TCF20: variants seen among roughly 807,000 people sequenced by gnomAD.
The protein encoded by TCF20 is SPRE-binding protein.
TCF20 carries 3 observed loss-of-function variants against 148.6 expected under a neutral mutation model. The observed-to-expected ratio is 0.02, with a 90% CI of 0.01 to 0.05. The LOEUF (loss-of-function observed/expected upper bound fraction) is 0.05, where lower values mean the gene tolerates loss of function less well. TCF20 is among the 10% of genes least tolerant of loss of function. TCF20 has a pLI of 1.00. For missense variants in TCF20, 2,350 were observed against 2,429.3 expected (o/e 0.97, Z 0.69); for synonymous variants, 1,049 against 909.5 (o/e 1.15, Z -2.76).
chr22:42,164,926 C>T (rs997508032), intron 5 of TCF20, among the ~76,000 whole-genome samples: 1 of 152,200 alleles, frequency 6.6e-6, no homozygotes, highest in African/African-American at 2.4e-5. Context: ...CCTGGAGAGT[C>T]ACCTGAGACT....
In TCF20 at chr22:42,246,356, C is replaced by T. The variant is rs146069839; in HGVS notation, c.-37+23983G>A. Among the ~76,000 whole-genome samples, 74 of 152,270 alleles carry T rather than the reference C, an allele frequency of 4.9e-4. 1 individual carries two copies. The highest frequency in any genetic ancestry group is 1.5e-3 in the African/African-American group (64 of 41,552). ...TTTACCTCACCTCAAGTGACCCATCCGCCTCGGCCTCCCAAAGTGCTGGGA... is the reference window on the plus strand; with the variant it reads ...TTTACCTCACCTCAAGTGACCCATCTGCCTCGGCCTCCCAAAGTGCTGGGA... On this transcript the variant is annotated intron_variant, in intron 1 of 5. Transcript: ENST00000677622.
intron 1 of TCF20, among the ~76,000 whole-genome samples, chr22:42,311,425 G>T (rs1256209822): frequency 6.6e-6 from 1 of 152,204 alleles, no homozygotes; most frequent in Non-Finnish European, 1.5e-5. Flanking sequence ...GCCTCAGGGT[G>T]GTGTGGGGAT....
intron 1 of TCF20, among the ~76,000 whole-genome samples, chr22:42,300,509 G>T (rs1043937063): frequency 6.6e-6 from 1 of 152,174 alleles, no homozygotes; most frequent in East Asian, 1.9e-4. Flanking sequence ...TTCCCAGGGG[G>T]CACTGAGGCC....
At chr22:42,320,833 C>T (rs1003151602) in intron 1 of TCF20, among the ~76,000 whole-genome samples, 14 of 152,162 alleles carry the variant, frequency 9.2e-5, no homozygotes, top group African/African-American at 3.1e-4. Flanking sequence ...TCAGGTACTG[C>T]GAATACCTGG....
At chr22:42,209,072 CAGTG>C (rs1027625918) in intron 2 of TCF20, among the ~76,000 whole-genome samples, 1 of 152,220 alleles carries the variant, frequency 6.6e-6, no homozygotes, top group Admixed American at 6.5e-5. Context: ...GACTGCAAGA[CAGTG>C]AGAGAAAAAT....
chr22:42,237,493 A>C (rs1884601048), intron 1 of TCF20, among the ~76,000 whole-genome samples: 1 of 152,214 alleles, frequency 6.6e-6, no homozygotes, highest in Admixed American at 6.5e-5. Flanking sequence ...ATCATCTTCC[A>C]AACTCCTGTT....
intron 2 of TCF20, among the ~76,000 whole-genome samples, chr22:42,188,470 G>A (rs1601549325): frequency 6.6e-6 from 1 of 152,132 alleles, no homozygotes; most frequent in South Asian, 2.1e-4. Context: ...GAAGAAGGCA[G>A]TTTGACTTCC....
Position 42,212,157 on chromosome 22 carries a change from G to A in TCF20, c.3149C>T (p.Thr1050Ile). 1.9e-6 allele frequency: 3 copies of A among 1,614,208 alleles called. No individual in the cohort carries two copies. Among genetic ancestry groups the A allele is most frequent in the Admixed American group, 1.7e-5 (1 of 60,028 alleles). Residue 1050 changes from threonine to isoleucine, a missense_variant, in exon 2 of 6, where the codon ACT becomes ATT. Physicochemically the swap from Thr to Ile is moderately conservative, Grantham distance 89. Around this residue, in one of 7 missense-constraint regions of TCF20, gnomAD observed 1,641 missense variants for 1,662.6 expected, o/e 0.99. Transcript: ENST00000677622. ...SERANRSSLH[T>I]PFSPNSETLA... is the part of the protein sequence containing the mutation. ...GGTTTCTGAGTTGGGAGAAAAGGGA[G>A]TGTGTAAAGAACTCCGGTTAGCCCT...
intron 1 of TCF20, among the ~76,000 whole-genome samples, chr22:42,239,037 G>C (rs1221258391): frequency 1.3e-5 from 2 of 151,994 alleles, no homozygotes; most frequent in African/African-American, 4.8e-5. Context: ...AGAATGGCGT[G>C]AACGCGGCAG....
At chr22:42,269,471 C>T (rs918824145) in intron 1 of TCF20, among the ~76,000 whole-genome samples, 5 of 152,214 alleles carry the variant, frequency 3.3e-5, no homozygotes, top group African/African-American at 1.2e-4. Context: ...CACCGCCCCC[C>T]AACTCACTAA....
intron 1 of TCF20, among the ~76,000 whole-genome samples, chr22:42,320,759 G>A (rs191148238): frequency 1.6e-4 from 24 of 152,314 alleles, no homozygotes; most frequent in South Asian, 4.1e-4. Context: ...ATCCCAAGCC[G>A]GGAATCCCCA....
chr22:42,340,019 G>A (rs907123036), intron 1 of TCF20, among the ~76,000 whole-genome samples: 2 of 152,326 alleles, frequency 1.3e-5, no homozygotes, highest in African/African-American at 2.4e-5. Flanking sequence ...TCAGGGGGTA[G>A]GGGGAGTAGG....
At chr22:42,314,966 C>T (rs1333394578) in intron 1 of TCF20, among the ~76,000 whole-genome samples, 1 of 152,104 alleles carries the variant, frequency 6.6e-6, no homozygotes, top group Non-Finnish European at 1.5e-5. Context: ...CTTCAGCTCA[C>T]ACCACAGCAG....
intron 1 of TCF20, among the ~76,000 whole-genome samples, chr22:42,294,174 C>T (rs1927184655): frequency 1.3e-5 from 2 of 152,100 alleles, no homozygotes; most frequent in African/African-American, 4.8e-5. Flanking sequence ...ACACACCCGC[C>T]AGCCCGCTCC....
chr22:42,283,409 C>G (rs1006294986), intron 1 of TCF20, among the ~76,000 whole-genome samples: 3 of 152,018 alleles, frequency 2.0e-5, no homozygotes, highest in Non-Finnish European at 4.4e-5. Context: ...GCGGCTGGAT[C>G]TGGACCGGAG....
chr22:42,313,972 T>C (rs1007514781), intron 1 of TCF20, among the ~76,000 whole-genome samples: 1 of 152,226 alleles, frequency 6.6e-6, no homozygotes, highest in Non-Finnish European at 1.5e-5. Context: ...TTTCCCAAGA[T>C]CTGTGCGTGA....
Position 42,316,569 on chromosome 22 carries a change from C to T in TCF20, c.-37+26910G>A, listed in dbSNP as rs113593465. ...TCGCCTGTCTCAGCCTCCTGAGCAG[C>T]TGGGACTACAGGCATGCGCCACCAC... On this transcript the variant is annotated intron_variant, in intron 1 of 1. Transcript: ENST00000515426. Among the ~76,000 whole-genome samples the T allele has an allele frequency of 4.6e-3, 708 of 152,346 alleles. 10 individuals are homozygous for T. The highest frequency in any genetic ancestry group is 0.016 in the African/African-American group (668 of 41,574).
At chr22:42,182,402 A>G (rs933050494) in intron 2 of TCF20, among the ~76,000 whole-genome samples, 15 of 152,250 alleles carry the variant, frequency 9.9e-5, no homozygotes, top group African/African-American at 3.6e-4. Context: ...TGTGTCAGAC[A>G]TATGCTAGAT....
intron 1 of TCF20, chr22:42,269,988 C>A (rs182924762): frequency 6.6e-6 from 1 of 152,466 alleles, no homozygotes; most frequent in Non-Finnish European, 1.5e-5. Flanking sequence ...CCGCTCACAC[C>A]CGCCGCCTTT....
Sources: allele counts gnomAD v4.1 joint callset (sites outside exome capture counted in the v4.1 genomes callset), GRCh38; gene constraint gnomAD v4.1.1; regional missense constraint gnomAD v4.1.1; transcripts MANE v1.5; gene names NCBI Gene and HGNC (gene_info 2026-07-23, HGNC 2026-07-21).